ARIH1: variants seen among roughly 807,000 people sequenced by gnomAD.
ARIH1 encodes the protein E3 ubiquitin-protein ligase ARIH1.
ARIH1 carries 8 observed loss-of-function variants against 85.0 expected under a neutral mutation model. The observed-to-expected ratio is 0.09, with a 90% CI of 0.06 to 0.17. The LOEUF (loss-of-function observed/expected upper bound fraction) is 0.17. Among genes scored for constraint, ARIH1 ranks in the 10% least tolerant of loss-of-function variants. ARIH1 has a pLI of 1.00. For synonymous variants in ARIH1, 238 were observed against 253.6 expected (o/e 0.94, Z 0.59); for missense variants, 311 against 718.1 (o/e 0.43, Z 6.48).
chr15:72,526,380 G>A (rs2064028426), intron 2 of ARIH1, among the ~76,000 whole-genome samples: 2 of 152,124 alleles, frequency 1.3e-5, no homozygotes, highest in South Asian at 4.1e-4. Context: ...CTCTTAGTCT[G>A]TAGTTTAAAC....
At chr15:72,559,918 G>A (rs191840478) in intron 5 of ARIH1, among the ~76,000 whole-genome samples, 30 of 152,002 alleles carry the variant, frequency 2.0e-4, no homozygotes, top group Non-Finnish European at 2.5e-4. Flanking sequence ...CATTTTTTAC[G>A]GAAATGTCTT....
At chr15:72,488,412 T>C (rs1277791946) in intron 1 of ARIH1, among the ~76,000 whole-genome samples, 3 of 152,080 alleles carry the variant, frequency 2.0e-5, no homozygotes, top group Admixed American at 2.0e-4. Flanking sequence ...ATATTCCTAT[T>C]GAGAATCTGC....
intron 3 of ARIH1, among the ~76,000 whole-genome samples, chr15:72,549,246 C>G (rs1229554167): frequency 6.6e-6 from 1 of 151,946 alleles, no homozygotes; most frequent in Non-Finnish European, 1.5e-5. Context: ...CACCACCACA[C>G]CTGTCTAATT....
At chr15:72,505,562 A>G (rs1259469547) in intron 1 of ARIH1, among the ~76,000 whole-genome samples, 2 of 152,152 alleles carry the variant, frequency 1.3e-5, no homozygotes, top group East Asian at 3.9e-4. Context: ...TTATACTTCT[A>G]TACTTGGTAT....
chr15:72,562,346 C>T (rs984205399), intron 6 of ARIH1, among the ~76,000 whole-genome samples: 1 of 152,142 alleles, frequency 6.6e-6, no homozygotes, highest in Non-Finnish European at 1.5e-5. Context: ...ACCCTCTTGG[C>T]TTGTTACAGA....
At position 72,598,713 on chromosome 15, in the gene ARIH1, C is replaced by CA. The variant is rs35969733; in HGVS notation, c.*15438dup. 93,037 of 128,234 alleles carry CA rather than the reference C, an allele frequency of 0.73. 38,193 individuals are homozygous for CA. The highest frequency in any genetic ancestry group is 0.9 in the Non-Finnish European group (56,473 of 62,554). The allele number at this position is 128,234 out of a possible 1,614,324, so 7.9% of individuals were successfully genotyped here. A position where few individuals can be genotyped will look rare whatever the true frequency, so the allele number is the denominator to read the frequency against. On this transcript the variant is annotated 3_prime_UTR_variant, in exon 14 of 14. Transcript: ENST00000379887. ...TGGGTGACAGAGCAAGACTCCCTCT[C>CA]AAAAAAAAAAAAAAAAATTTTTTTT...
At chr15:72,564,085 T>G (rs1165779104) in intron 7 of ARIH1, among the ~76,000 whole-genome samples, 4 of 152,228 alleles carry the variant, frequency 2.6e-5, no homozygotes, top group Non-Finnish European at 5.9e-5. Flanking sequence ...CCAAAGTGGA[T>G]AGGCTGAAAA....
At chr15:72,550,715 A>G (rs1043912627) in intron 3 of ARIH1, among the ~76,000 whole-genome samples, 1 of 152,176 alleles carries the variant, frequency 6.6e-6, no homozygotes, top group African/African-American at 2.4e-5. Flanking sequence ...TCTGTTGCCC[A>G]GGCTGGAGTG....
intron 1 of ARIH1, among the ~76,000 whole-genome samples, chr15:72,500,822 C>G (rs183956846): frequency 1.2e-3 from 176 of 152,238 alleles, no homozygotes; most frequent in Non-Finnish European, 2.1e-3. Context: ...GATTAGAAAT[C>G]AGTAGTGACT....
At chr15:72,552,482 G>C (rs1017181388) in intron 3 of ARIH1, among the ~76,000 whole-genome samples, 1 of 152,050 alleles carries the variant, frequency 6.6e-6, no homozygotes, top group Non-Finnish European at 1.5e-5. Flanking sequence ...TAGACACAGG[G>C]TTTCGCCATG....
At chr15:72,508,489 T>C (rs1186791282) in intron 1 of ARIH1, among the ~76,000 whole-genome samples, 1 of 152,214 alleles carries the variant, frequency 6.6e-6, no homozygotes, top group African/African-American at 2.4e-5. Flanking sequence ...CAAATCCTAC[T>C]AGCCTATTTT....
At chr15:72,561,865 C>T (rs1257297577) in intron 6 of ARIH1, among the ~76,000 whole-genome samples, 1 of 152,060 alleles carries the variant, frequency 6.6e-6, no homozygotes, top group Non-Finnish European at 1.5e-5. Flanking sequence ...CCGAGCTACT[C>T]GGGAGGCTGA....
rs1182181311 is a variant in ARIH1, at chr15:72,474,738, C to G, written c.99C>G (p.Asp33Glu). The change falls in exon 1 of 14, where the codon GAC becomes GAG. Residue 33 changes from aspartate (D) to glutamate (E), a missense_variant. By Grantham distance (45) the Asp-to-Glu change is conservative. Transcript: ENST00000379887. ...AGGAGGAGGAGGACGAAGACGACGA[C>G]GAGCCGGACGATGATACCCTGGATC... ...GAEEEEDEDDDEPDDDTLDLG... is the reference protein window; with the variant it reads ...GAEEEEDEDDEEPDDDTLDLG... 5 of 1,560,098 alleles carry G rather than the reference C, an allele frequency of 3.2e-6. No homozygotes were observed. The highest frequency in any genetic ancestry group is 1.4e-5 in the African/African-American group (1 of 70,772).
rs1481901956 is a variant in ARIH1, at chr15:72,597,804, ATGT to A, written c.*14517_*14519del. 1.3e-5 allele frequency: 2 copies of A among 152,036 alleles called. No homozygotes were observed. Among genetic ancestry groups the A allele is most frequent in the Non-Finnish European group, 2.9e-5 (2 of 68,018 alleles). The allele number at this position is 152,036 out of a possible 1,614,324, so 9.4% of individuals were successfully genotyped here. ...AACCAGCCTCCAAGGGGTTGTGAAAATGTTGTTAAATTTCAGCAGGTTTCTCTT... is the reference window on the plus strand; with the variant it reads ...AACCAGCCTCCAAGGGGTTGTGAAAATGTTAAATTTCAGCAGGTTTCTCTT... On this transcript the variant is annotated 3_prime_UTR_variant, in exon 14 of 14. Coordinates refer to ENST00000379887, the MANE Select transcript of ARIH1 (RefSeq NM_005744.5).
At chr15:72,529,958 G>A (rs1963894) in intron 2 of ARIH1, among the ~76,000 whole-genome samples, 123,259 of 152,104 alleles carry the variant, frequency 0.81, 53,970 homozygotes, top group East Asian at 1. Context: ...TGGAGAAATA[G>A]TGATGGAAAA....
At chr15:72,483,861 GT>G (rs2063826221) in intron 1 of ARIH1, among the ~76,000 whole-genome samples, 1 of 148,346 alleles carries the variant, frequency 6.7e-6, no homozygotes, top group Non-Finnish European at 1.5e-5. Flanking sequence ...TTTCATTACT[GT>G]TTTTAAAATA....
chr15:72,515,726 A>G (rs1290073719), intron 1 of ARIH1, among the ~76,000 whole-genome samples: 4 of 152,168 alleles, frequency 2.6e-5, no homozygotes, highest in Non-Finnish European at 5.9e-5. Context: ...TGGTTGATCT[A>G]GCACTTGAGC....
intron 1 of ARIH1, among the ~76,000 whole-genome samples, chr15:72,510,782 C>T (rs559706907): frequency 5.9e-4 from 83 of 141,338 alleles, no homozygotes; most frequent in South Asian, 3.4e-3. Flanking sequence ...ACTTTTTCCC[C>T]GTTGAATTGT....
chr15:72,596,437 C>G lies in ARIH1; in HGVS notation c.*13145C>G, dbSNP rs1257480681. On this transcript the variant is annotated 3_prime_UTR_variant, in exon 14 of 14. Coordinates refer to ENST00000379887, the MANE Select transcript of ARIH1 (RefSeq NM_005744.5). Reference sequence around the variant, plus strand: ...CTAGGGAATGTCTAGGTATGTTTTTCTTTGTATAGAGTTTACTGAACTTCT... The same window carrying G: ...CTAGGGAATGTCTAGGTATGTTTTTGTTTGTATAGAGTTTACTGAACTTCT... 2 of 152,160 alleles carry G rather than the reference C, an allele frequency of 1.3e-5. No individual in the cohort carries two copies. Among genetic ancestry groups the G allele is most frequent in the Admixed American group, 6.5e-5 (1 of 15,290 alleles). The allele number at this position is 152,160 out of a possible 1,614,324, so 9.4% of individuals were successfully genotyped here.
Sources: allele counts gnomAD v4.1 joint callset (sites outside exome capture counted in the v4.1 genomes callset), GRCh38; gene constraint gnomAD v4.1.1; transcripts MANE v1.5; gene names NCBI Gene and HGNC (gene_info 2026-07-23, HGNC 2026-07-21).